Variants in PHF24 observed in about 807,000 individuals in gnomAD.
The protein encoded by PHF24 is PHD finger protein 24.
A neutral mutation model predicts 42.6 loss-of-function variants in PHF24; 25 were observed. The observed-to-expected ratio is 0.59, with a 90% CI of 0.43 to 0.82. The LOEUF is 0.82. PHF24 is among the 40% of genes least tolerant of loss of function. The pLI is 0.00. For synonymous variants in PHF24, 185 were observed against 204.8 expected (o/e 0.90, Z 0.83); for missense variants, 470 against 538.1 (o/e 0.87, Z 1.25).
the PHF24 span, chr9:34,917,560 CCCCTG>C: frequency 1.3e-6 from 1 of 776,516 alleles, no homozygotes; most frequent in Non-Finnish European, 2.4e-6. Context: ...GCAACCAGCA[CCCCTG>C]GTTTGGCATG....
chr9:34,734,762 C>T, the PHF24 span, among the ~76,000 whole-genome samples: 1 of 152,148 alleles, frequency 6.6e-6, no homozygotes, highest in Non-Finnish European at 1.5e-5. Context: ...GGGCACAGCC[C>T]CTGTCTAAAA....
intron 1 of PHF24, among the ~76,000 whole-genome samples, chr9:34,968,219 T>C (rs1289246846): frequency 6.6e-6 from 1 of 152,240 alleles, no homozygotes; most frequent in Non-Finnish European, 1.5e-5. Flanking sequence ...TAGTCTTTCG[T>C]GGTACGTAAT....
chr9:34,955,276 A>G (rs1587451456), upstream of PHF24, among the ~76,000 whole-genome samples: 1 of 151,474 alleles, frequency 6.6e-6, no homozygotes, highest in Admixed American at 6.6e-5. Flanking sequence ...AACTCAGACC[A>G]CCTCAGAATA....
the PHF24 span, among the ~76,000 whole-genome samples, chr9:34,721,879 T>G: frequency 6.6e-6 from 1 of 152,198 alleles, no homozygotes; most frequent in African/African-American, 2.4e-5. Context: ...TGAAAAACAT[T>G]TTTGTTTGGC....
chr9:34,948,034 G>C, the PHF24 span, among the ~76,000 whole-genome samples: 1 of 151,644 alleles, frequency 6.6e-6, no homozygotes, highest in African/African-American at 2.4e-5. Flanking sequence ...GCGTGAACCC[G>C]GGGGGCGGAG....
At chr9:34,978,711 G>A (rs1431942132) in exon 8 of PHF24, 1 of 152,298 alleles carries the variant, frequency 6.6e-6, no homozygotes, top group Middle Eastern at 3.4e-3. Flanking sequence ...GTACTGAGTT[G>A]GGAAAAGAGT....
chr9:34,841,044 G>T, the PHF24 span, among the ~76,000 whole-genome samples: 1 of 151,760 alleles, frequency 6.6e-6, no homozygotes, highest in Non-Finnish European at 1.5e-5. Flanking sequence ...CTGTCCCCCA[G>T]GCTGGAGTGC....
chr9:34,931,976 G>A, the PHF24 span, among the ~76,000 whole-genome samples: 1 of 152,146 alleles, frequency 6.6e-6, no homozygotes, highest in Non-Finnish European at 1.5e-5. Context: ...CAACCCATAA[G>A]CCTAAAAGAA....
At chr9:34,903,956 T>C in the PHF24 span, among the ~76,000 whole-genome samples, 9 of 152,046 alleles carry the variant, frequency 5.9e-5, no homozygotes, top group African/African-American at 2.2e-4. Flanking sequence ...GTAAGGGAGG[T>C]TGAGTTCTTG....
At chr9:34,735,262 A>G in the PHF24 span, among the ~76,000 whole-genome samples, 28 of 149,708 alleles carry the variant, frequency 1.9e-4, 2 homozygotes, top group South Asian at 5.9e-3. Context: ...CAGCCTCCCA[A>G]GTAGCTGGGA....
chr9:34,949,394 TTGG>T, the PHF24 span, among the ~76,000 whole-genome samples: 1 of 152,120 alleles, frequency 6.6e-6, no homozygotes, highest in Non-Finnish European at 1.5e-5. Context: ...TTTTACACTG[TTGG>T]TGGGAGTGTA....
the PHF24 span, chr9:34,832,498 GCTTCTCTGTCTTA>G: frequency 2.0e-6 from 3 of 1,512,182 alleles, no homozygotes; most frequent in African/African-American, 4.2e-5. Context: ...CACCCTGTCG[GCTTCTCTGTCTTA>G]CTTCTCCCCA....
At chr9:34,690,146 A>G in the PHF24 span, 3 of 1,600,062 alleles carry the variant, frequency 1.9e-6, no homozygotes, top group African/African-American at 4.0e-5. Flanking sequence ...GGGGAATAAG[A>G]AGGTGGGAGT....
chr9:34,804,649 G>C, the PHF24 span, among the ~76,000 whole-genome samples: 16 of 152,174 alleles, frequency 1.1e-4, no homozygotes, highest in Non-Finnish European at 1.8e-4. Flanking sequence ...ACTAATTGCA[G>C]TTTTGGGGTA....
the PHF24 span, among the ~76,000 whole-genome samples, chr9:34,931,224 A>G: frequency 6.6e-6 from 1 of 151,894 alleles, no homozygotes; most frequent in Non-Finnish European, 1.5e-5. Flanking sequence ...AAAATACAAA[A>G]AATTAGCCGG....
chr9:34,890,738 A>G, the PHF24 span, among the ~76,000 whole-genome samples: 2 of 152,276 alleles, frequency 1.3e-5, no homozygotes, highest in Non-Finnish European at 2.9e-5. Flanking sequence ...CCTTGTTTTT[A>G]TGGGACTTCC....
the PHF24 span, among the ~76,000 whole-genome samples, chr9:34,799,080 A>G: frequency 6.6e-6 from 1 of 152,174 alleles, no homozygotes; most frequent in Admixed American, 6.5e-5. Flanking sequence ...TGTTTAATTA[A>G]GTTCTTTATA....
the PHF24 span, among the ~76,000 whole-genome samples, chr9:34,840,141 T>C: frequency 6.6e-6 from 1 of 152,146 alleles, no homozygotes; most frequent in Admixed American, 6.5e-5. Flanking sequence ...TTTGCATTTA[T>C]TTTATTTTAA....
chr9:34,861,308 G>T, the PHF24 span, among the ~76,000 whole-genome samples: 42 of 152,268 alleles, frequency 2.8e-4, no homozygotes, highest in Middle Eastern at 3.4e-3. Flanking sequence ...ACATGCAAAG[G>T]CCACACTGTA....
Sources: gnomAD v4.1 joint callset for allele counts (sites outside exome capture counted in the v4.1 genomes callset) on GRCh38, gnomAD v4.1.1 for gene constraint, MANE v1.5 for transcripts, NCBI Gene and HGNC (gene_info 2026-07-23, HGNC 2026-07-21) for gene names.